AZIN2: variants seen among roughly 807,000 people sequenced by gnomAD.
AZIN2 encodes the protein antizyme inhibitor 2.
A neutral mutation model predicts 47.8 loss-of-function variants in AZIN2; 28 were observed. The observed-to-expected ratio is 0.59, with a 90% CI of 0.43 to 0.80. The LOEUF is 0.80. AZIN2 is among the 30% of genes least tolerant of loss of function. The pLI, the probability that AZIN2 is intolerant of heterozygous loss-of-function variation, is 0.00. For synonymous variants in AZIN2, 221 were observed against 239.4 expected (o/e 0.92, Z 0.71); for missense variants, 535 against 582.5 (o/e 0.92, Z 0.84).
At chr1:33,108,412 G>C (rs1421217048) in intron 10 of AZIN2, among the ~76,000 whole-genome samples, 4 of 147,588 alleles carry the variant, frequency 2.7e-5, no homozygotes, top group Non-Finnish European at 5.9e-5. Context: ...GTGTGATCTT[G>C]GCTCACTGCA....
chr1:33,119,949 C>A, intron 11 of AZIN2, 95 bp from the exon 12 acceptor site: 5 of 1,550,752 alleles, frequency 3.2e-6, no homozygotes, highest in Non-Finnish European at 4.4e-6. Flanking sequence ...CTCGGGCTCA[C>A]GTGAGAGCCC....
the AZIN2 span, chr1:33,142,378 C>G: frequency 6.6e-6 from 1 of 152,418 alleles, no homozygotes; most frequent in East Asian, 1.9e-4. Context: ...TCTGTCCCTG[C>G]TGCCACCCCA....
chr1:33,123,866 C>T (rs1258796245), downstream of AZIN2, among the ~76,000 whole-genome samples: 3 of 152,036 alleles, frequency 2.0e-5, no homozygotes, highest in Admixed American at 1.3e-4. Flanking sequence ...GGTGTGGTGG[C>T]GGCACCTGTA....
At chr1:33,108,360 T>TTTTTTTTTA in intron 10 of AZIN2, among the ~76,000 whole-genome samples, 1 of 142,558 alleles carries the variant, frequency 7.0e-6, no homozygotes, top group East Asian at 2.0e-4. Flanking sequence ...TTTTTTTTTT[T>TTTTTTTTTA]GAGACAGAGT....
chr1:33,119,966 C>T, intron 11 of AZIN2, 78 bp from the exon 12 acceptor site: 1 of 1,590,996 alleles, frequency 6.3e-7, no homozygotes, highest in Non-Finnish European at 8.5e-7. Flanking sequence ...GCCCTCTGCC[C>T]AATGGGGCTG....
At chr1:33,160,537 T>G in the AZIN2 span, among the ~76,000 whole-genome samples, 1 of 152,008 alleles carries the variant, frequency 6.6e-6, no homozygotes, top group African/African-American at 2.4e-5. Context: ...CCCTAGTAGC[T>G]GGGATTACAG....
At chr1:33,159,746 G>A in the AZIN2 span, 16 of 1,613,010 alleles carry the variant, frequency 9.9e-6, no homozygotes, top group Admixed American at 3.3e-5. This position sits in a 1 kb window ranked among gnomAD's most constrained non-coding sequence, Gnocchi z 4.2. Flanking sequence ...TCAGCCAGCC[G>A]CTCCTGCAGG....
downstream of AZIN2, among the ~76,000 whole-genome samples, chr1:33,123,739 C>G (rs775848986): frequency 6.6e-6 from 1 of 152,138 alleles, no homozygotes; most frequent in African/African-American, 2.4e-5. Flanking sequence ...TGGCTTACGC[C>G]TATAATTCTA....
intron 7 of AZIN2, among the ~76,000 whole-genome samples, chr1:33,094,233 G>T (rs975797307): frequency 1.4e-4 from 21 of 152,196 alleles, no homozygotes; most frequent in African/African-American, 4.8e-4. Flanking sequence ...AAACAAAGCT[G>T]AGTAAGCTGC....
At chr1:33,160,276 G>A in the AZIN2 span, among the ~76,000 whole-genome samples, 2 of 152,190 alleles carry the variant, frequency 1.3e-5, no homozygotes, top group African/African-American at 4.8e-5. Flanking sequence ...AGAAGAGAAA[G>A]GAGCTGGGGA....
At chr1:33,107,128 T>A (rs1034114176) in intron 10 of AZIN2, among the ~76,000 whole-genome samples, 1 of 149,208 alleles carries the variant, frequency 6.7e-6, no homozygotes, top group African/African-American at 2.5e-5. Flanking sequence ...CTACTAGAGA[T>A]ACAAAATTAT....
At chr1:33,127,215 T>C (rs1042281533), downstream of AZIN2, among the ~76,000 whole-genome samples, 2 of 152,236 alleles carry the variant, frequency 1.3e-5, no homozygotes, top group Admixed American at 6.5e-5. Flanking sequence ...GTGGAAACGA[T>C]TGCCTGGCGG....
At chr1:33,144,892 A>G in the AZIN2 span, among the ~76,000 whole-genome samples, 3 of 152,240 alleles carry the variant, frequency 2.0e-5, no homozygotes, top group Non-Finnish European at 4.4e-5. Context: ...TCTGGGAGGC[A>G]GCTGGGGGGA....
the AZIN2 span, among the ~76,000 whole-genome samples, chr1:33,160,830 C>T: frequency 1.9e-4 from 29 of 152,204 alleles, no homozygotes; most frequent in African/African-American, 5.8e-4. Context: ...GGTGGTTACT[C>T]GCTGTCTCCT....
At chr1:33,100,903 C>T (rs1181488185) in intron 10 of AZIN2, among the ~76,000 whole-genome samples, 5 of 152,078 alleles carry the variant, frequency 3.3e-5, no homozygotes, top group Non-Finnish European at 7.4e-5. Context: ...ACTCTGTTGC[C>T]TAGGCTAGAG....
In AZIN2 at chr1:33,098,989, C is replaced by T. The variant is rs111795128; in HGVS notation, c.1029+810C>T. Reference sequence around the variant, plus strand: ...CATGTTGTCCAGGCTGGTCTCTAACCCTTGACCTCAAATCATCCACCAACT... The same window carrying T: ...CATGTTGTCCAGGCTGGTCTCTAACTCTTGACCTCAAATCATCCACCAACT... On this transcript the variant is annotated intron_variant, in intron 10 of 11. Coordinates refer to ENST00000294517, the MANE Select transcript of AZIN2 (RefSeq NM_052998.4). 4.6e-3 allele frequency among the ~76,000 whole-genome samples: 696 copies of T among 151,926 alleles called. 11 individuals carry two copies. Among genetic ancestry groups the T allele is most frequent in the African/African-American group, 0.016 (670 of 41,406 alleles).
At chr1:33,147,503 C>T in the AZIN2 span, 2 of 1,613,204 alleles carry the variant, frequency 1.2e-6, no homozygotes, top group Admixed American at 3.3e-5. The surrounding 1 kb of genome is among the most constrained non-coding windows in gnomAD (Gnocchi z 8.1). Flanking sequence ...GCTTCGTGTG[C>T]CAGCCCGATC....
At chr1:33,159,843 C>G in the AZIN2 span, 1 of 1,613,572 alleles carries the variant, frequency 6.2e-7, no homozygotes, top group East Asian at 2.2e-5. The surrounding 1 kb of genome is among the most constrained non-coding windows in gnomAD (Gnocchi z 4.2). Flanking sequence ...GGGCCGTGTC[C>G]GCCTCCAGCT....
chr1:33,118,946 G>C (rs1041686594), intron 11 of AZIN2: 2 of 152,334 alleles, frequency 1.3e-5, no homozygotes, highest in African/African-American at 4.8e-5. Flanking sequence ...ATCACAGAGA[G>C]GTCATTCTTC....
Sources: gnomAD v4.1 joint callset for allele counts (sites outside exome capture counted in the v4.1 genomes callset) on GRCh38, gnomAD v4.1.1 for gene constraint, Gnocchi (gnomAD v3.1) non-coding constraint, MANE v1.5 for transcripts, NCBI Gene and HGNC (gene_info 2026-07-23, HGNC 2026-07-21) for gene names.